The following FSTL4 variants were observed in gnomAD, a reference collection of about 807,000 sequenced individuals.
FSTL4 encodes follistatin like 4.
A neutral mutation model predicts 78.2 loss-of-function variants in FSTL4; 28 were observed. That is an observed-to-expected ratio of 0.36 (90% CI 0.27 to 0.49). FSTL4 has a LOEUF of 0.49. Ranked by LOEUF, FSTL4 falls within the 20% of genes least tolerant of loss-of-function variation. The probability of loss-of-function intolerance (pLI) is 0.98; values close to 1 mark genes in which losing one functional copy is unlikely to be tolerated. For missense variants in FSTL4, 922 were observed against 1,084.9 expected, an observed-to-expected ratio of 0.85 and a Z score of 2.11; for synonymous variants, 422 against 440.5, an observed-to-expected ratio of 0.96 and a Z score of 0.53.
At chr5:133,649,522 A>C in the FSTL4 span, among the ~76,000 whole-genome samples, 1 of 152,224 alleles carries the variant, frequency 6.6e-6, no homozygotes, top group Non-Finnish European at 1.5e-5. Flanking sequence ...GTTGCTCTAC[A>C]ACATCAGCGT....
the FSTL4 span, among the ~76,000 whole-genome samples, chr5:133,712,656 C>T: frequency 6.6e-6 from 1 of 152,218 alleles, no homozygotes; most frequent in Non-Finnish European, 1.5e-5. Context: ...CCAAGGGAAC[C>T]TCCCCACTGG....
the FSTL4 span, among the ~76,000 whole-genome samples, chr5:133,687,470 G>A: frequency 1.3e-5 from 2 of 152,120 alleles, no homozygotes; most frequent in African/African-American, 4.8e-5. Flanking sequence ...TCCTCAGCCC[G>A]GGTAGTGATA....
At chr5:133,813,978 T>C in the FSTL4 span, among the ~76,000 whole-genome samples, 1 of 152,176 alleles carries the variant, frequency 6.6e-6, no homozygotes, top group African/African-American at 2.4e-5. Flanking sequence ...ATCATACACC[T>C]TCATATTAAC....
chr5:133,403,652 A>G (rs974188917), intron 3 of FSTL4, among the ~76,000 whole-genome samples: 1 of 152,152 alleles, frequency 6.6e-6, no homozygotes, highest in Non-Finnish European at 1.5e-5. Flanking sequence ...TGCCTTCTCC[A>G]AAGTGGGCAG....
At chr5:133,280,633 T>C (rs1752987585) in intron 6 of FSTL4, among the ~76,000 whole-genome samples, 1 of 152,056 alleles carries the variant, frequency 6.6e-6, no homozygotes, top group African/African-American at 2.4e-5. Context: ...CTCCTGGTGT[T>C]TTGCCAGGGC....
At chr5:133,469,750 G>A (rs1494666) in intron 3 of FSTL4, among the ~76,000 whole-genome samples, 47,919 of 151,862 alleles carry the variant, frequency 0.32, 8,244 homozygotes, top group African/African-American at 0.45. Context: ...AGGGATTTAA[G>A]TACATTTCCA....
rs200905709 is a variant in FSTL4, at chr5:133,385,934, T to TG, written c.409+14803_409+14804insC. 4.5e-3 allele frequency among the ~76,000 whole-genome samples: 679 copies of TG among 151,358 alleles called. 2 individuals carry two copies. The highest frequency in any genetic ancestry group is 0.015 in the African/African-American group (637 of 41,166). On this transcript the variant is annotated intron_variant, in intron 4 of 15. Transcript: ENST00000265342. ...GAATGATAATCACTATGTGTGTGTG[T>TG]TTTTTTTTTAAATTATACATGTAAG... is the stretch of plus-strand genomic sequence containing the variant.
chr5:133,303,360 G>A (rs1173123267), intron 6 of FSTL4, among the ~76,000 whole-genome samples: 1 of 152,198 alleles, frequency 6.6e-6, no homozygotes, highest in Non-Finnish European at 1.5e-5. Context: ...TTATCTTCTG[G>A]GGGTTTCCAG....
chr5:133,522,983 A>AC (rs1377401634), intron 3 of FSTL4, among the ~76,000 whole-genome samples: 2 of 139,540 alleles, frequency 1.4e-5, no homozygotes, highest in Non-Finnish European at 3.1e-5. Context: ...TGCCCCTGCC[A>AC]CCCCCGAGTC....
chr5:133,540,733 A>G (rs1466558682), intron 3 of FSTL4, among the ~76,000 whole-genome samples: 1 of 151,658 alleles, frequency 6.6e-6, no homozygotes, highest in African/African-American at 2.4e-5. Flanking sequence ...AAAAAAAAAA[A>G]AAAAAAGAAA....
chr5:133,690,969 A>G, the FSTL4 span, among the ~76,000 whole-genome samples: 1 of 152,196 alleles, frequency 6.6e-6, no homozygotes, highest in Admixed American at 6.5e-5. Context: ...GCTCCATAAA[A>G]GATGAGCTAA....
intron 3 of FSTL4, among the ~76,000 whole-genome samples, chr5:133,553,831 A>T (rs530261481): frequency 6.6e-6 from 1 of 152,318 alleles, no homozygotes; most frequent in South Asian, 2.1e-4. Flanking sequence ...TATGGCGGCT[A>T]AGTCTCTGGG....
chr5:133,689,165 G>A, the FSTL4 span, among the ~76,000 whole-genome samples: 1 of 152,082 alleles, frequency 6.6e-6, no homozygotes, highest in Non-Finnish European at 1.5e-5. Flanking sequence ...TGGCCCGGTT[G>A]GCCAGCCAGT....
At chr5:133,589,880 G>A (rs1410456109) in intron 2 of FSTL4, among the ~76,000 whole-genome samples, 14 of 152,162 alleles carry the variant, frequency 9.2e-5, no homozygotes, top group Admixed American at 9.2e-4. Flanking sequence ...CTATATGGGA[G>A]ATCTCAAACA....
chr5:133,535,210 ACTTTGCAGC>A (rs1438263615), intron 3 of FSTL4, among the ~76,000 whole-genome samples: 1 of 152,206 alleles, frequency 6.6e-6, no homozygotes, highest in Non-Finnish European at 1.5e-5. Flanking sequence ...CTGATCTTGG[ACTTTGCAGC>A]CTTCAAAACT....
chr5:133,336,912 AC>A (rs1754475630), intron 4 of FSTL4, among the ~76,000 whole-genome samples: 1 of 151,818 alleles, frequency 6.6e-6, no homozygotes, highest in Non-Finnish European at 1.5e-5. Context: ...GGCTGTGTCC[AC>A]CCCTTCCCAG....
intron 3 of FSTL4, among the ~76,000 whole-genome samples, chr5:133,444,397 C>A (rs79779814): frequency 5.9e-5 from 9 of 152,214 alleles, no homozygotes; most frequent in Non-Finnish European, 1.0e-4. Flanking sequence ...AGCCACCCTG[C>A]CTGGCAGTGC....
At chr5:133,540,643 G>A (rs1759446350) in intron 3 of FSTL4, among the ~76,000 whole-genome samples, 1 of 144,238 alleles carries the variant, frequency 6.9e-6, no homozygotes, top group Non-Finnish European at 1.5e-5. Flanking sequence ...TGACTTTCAA[G>A]CCTGGTGAGT....
Position 133,225,371 on chromosome 5 carries a change from G to T in FSTL4, c.1178-87C>A. 1 of 1,526,442 alleles carries T rather than the reference G, an allele frequency of 6.6e-7. No homozygotes were observed. Among genetic ancestry groups the T allele is most frequent in the East Asian group, 2.3e-5 (1 of 44,242 alleles). The allele number at this position is 1,526,442 out of a possible 1,614,324, so 94.6% of individuals were successfully genotyped here. The stretch of plus-strand genomic sequence containing the variant: ...TGGGGCCATTGAGAGTGTTAGGGCT[G>T]CCCAGCCCCTGGGCAGCCAGCAGCC... On this transcript the variant is annotated intron_variant, in intron 9 of 15. Transcript: ENST00000265342. This position sits in a 1 kb window ranked among gnomAD's most constrained non-coding sequence, Gnocchi z 4.6.
Sources: gnomAD v4.1 joint callset for allele counts (sites outside exome capture counted in the v4.1 genomes callset) on GRCh38, gnomAD v4.1.1 for gene constraint, Gnocchi (gnomAD v3.1) non-coding constraint, MANE v1.5 for transcripts, NCBI Gene and HGNC (gene_info 2026-07-23, HGNC 2026-07-21) for gene names.